Variants in TRAPPC9 observed in about 807,000 individuals in gnomAD.
The protein encoded by TRAPPC9 is trafficking protein particle complex subunit 9.
Under a neutral mutation model 124.0 loss-of-function variants are expected in TRAPPC9, and 83 were observed. The observed-to-expected ratio is 0.67, with a 90% CI of 0.56 to 0.80. TRAPPC9 has a LOEUF of 0.80. Ranked by LOEUF, TRAPPC9 falls within the 30% of genes least tolerant of loss-of-function variation. TRAPPC9 has a pLI of 0.00. For missense variants in TRAPPC9, 1,302 were observed against 1,508.3 expected, an observed-to-expected ratio of 0.86 and a Z score of 2.27; for synonymous variants, 638 against 617.5, an observed-to-expected ratio of 1.03 and a Z score of -0.49.
At chr8:139,797,661 T>C (rs574653514) in intron 21 of TRAPPC9, among the ~76,000 whole-genome samples, 1 of 152,302 alleles carries the variant, frequency 6.6e-6, no homozygotes, top group African/African-American at 2.4e-5. Context: ...TCCTAAGAGT[T>C]TTATAGTTTT....
intron 17 of TRAPPC9, among the ~76,000 whole-genome samples, chr8:140,091,337 A>C (rs1844553849): frequency 6.6e-6 from 1 of 152,128 alleles, no homozygotes; most frequent in South Asian, 2.1e-4. Flanking sequence ...GCTCACACTA[A>C]ATGCTGAATA....
intron 19 of TRAPPC9, chr8:139,911,438 C>T (rs36002174): frequency 0.22 from 32,879 of 152,050 alleles, 3,840 homozygotes; most frequent in African/African-American, 0.32. Flanking sequence ...GGGCCGGGTG[C>T]GACACCTGTA....
intron 21 of TRAPPC9, among the ~76,000 whole-genome samples, chr8:139,832,173 C>T (rs906628798): frequency 2.0e-5 from 3 of 152,220 alleles, no homozygotes; most frequent in Non-Finnish European, 4.4e-5. Context: ...TCTCCCGGCC[C>T]TGCCAGACTC....
intron 2 of TRAPPC9, among the ~76,000 whole-genome samples, chr8:140,446,175 T>A (rs2071246652): frequency 6.6e-6 from 1 of 151,108 alleles, no homozygotes. Flanking sequence ...ATGCCTGTAA[T>A]CCCAGCTACT....
intron 17 of TRAPPC9, among the ~76,000 whole-genome samples, chr8:140,166,246 A>C (rs1196257708): frequency 2.0e-5 from 3 of 152,238 alleles, no homozygotes; most frequent in African/African-American, 7.2e-5. Flanking sequence ...ATCAGCAGTG[A>C]GTGCCATCAC....
chr8:140,032,280 C>T lies in TRAPPC9; in HGVS notation c.2557-8201G>A, dbSNP rs553023281. Reference sequence around the variant, plus strand: ...AGATGGCTTGCTCCCACCTCTGTCACCACGTCCAGACCACTGTCCTCTCCC... The same window carrying T: ...AGATGGCTTGCTCCCACCTCTGTCATCACGTCCAGACCACTGTCCTCTCCC... On this transcript the variant is annotated intron_variant, in intron 17 of 22. Transcript: ENST00000438773. Among the ~76,000 whole-genome samples the T allele has an allele frequency of 1.4e-4, 21 of 152,322 alleles. No homozygotes were observed. The South Asian group carries it at 4.3e-3, about 32-fold the overall frequency.
chr8:140,450,504 C>T (rs1265013482), intron 2 of TRAPPC9, among the ~76,000 whole-genome samples: 1 of 152,126 alleles, frequency 6.6e-6, no homozygotes, highest in Non-Finnish European at 1.5e-5. Context: ...CTGTATGGGA[C>T]AGAGCTCCAG....
chr8:140,412,114 G>C (rs1465576595), intron 5 of TRAPPC9, among the ~76,000 whole-genome samples: 1 of 152,162 alleles, frequency 6.6e-6, no homozygotes, highest in African/African-American at 2.4e-5. Flanking sequence ...AACTCCATCA[G>C]ACTCCACTTT....
At chr8:140,024,836 C>T (rs1352318832) in intron 17 of TRAPPC9, among the ~76,000 whole-genome samples, 4 of 137,222 alleles carry the variant, frequency 2.9e-5, no homozygotes, top group Non-Finnish European at 4.7e-5. Context: ...CAGGCGGGGG[C>T]GGGGGTGCTT....
At chr8:140,190,550 A>G (rs2062467778) in intron 17 of TRAPPC9, among the ~76,000 whole-genome samples, 1 of 152,208 alleles carries the variant, frequency 6.6e-6, no homozygotes, top group Non-Finnish European at 1.5e-5. Flanking sequence ...ATTGGTTCAG[A>G]GAGACTGGGC....
intron 21 of TRAPPC9, among the ~76,000 whole-genome samples, chr8:139,774,045 G>C (rs1421610168): frequency 6.6e-6 from 1 of 152,220 alleles, no homozygotes; most frequent in Non-Finnish European, 1.5e-5. Flanking sequence ...CCTGGGGAAG[G>C]CTGGAGCTGC....
chr8:139,800,959 G>C, intron 21 of TRAPPC9, among the ~76,000 whole-genome samples: 1 of 111,962 alleles, frequency 8.9e-6, no homozygotes, highest in Non-Finnish European at 1.8e-5. Flanking sequence ...TCCGGTACCT[G>C]TACCTTCCCT....
At chr8:140,082,095 G>C (rs1415645108) in intron 17 of TRAPPC9, 1 of 152,200 alleles carries the variant, frequency 6.6e-6, no homozygotes, top group Non-Finnish European at 1.5e-5. Flanking sequence ...GATGTTGTCA[G>C]GGAAAGCAGC....
chr8:139,733,866 G>C (rs1398038913), intron 21 of TRAPPC9, among the ~76,000 whole-genome samples: 1 of 152,232 alleles, frequency 6.6e-6, no homozygotes, highest in Non-Finnish European at 1.5e-5. Flanking sequence ...CCTCACTGCA[G>C]CCTGGAGAGG....
At chr8:140,295,933 A>G (rs1218162878) in intron 11 of TRAPPC9, among the ~76,000 whole-genome samples, 1 of 152,250 alleles carries the variant, frequency 6.6e-6, no homozygotes, top group Non-Finnish European at 1.5e-5. Context: ...TATCTCAGAA[A>G]AAAATCTTAC....
At chr8:140,200,111 G>A (rs1037976555) in intron 17 of TRAPPC9, among the ~76,000 whole-genome samples, 2 of 152,124 alleles carry the variant, frequency 1.3e-5, no homozygotes, top group African/African-American at 2.4e-5. Context: ...AGTTTCTCAC[G>A]GCCGGAGAGG....
chr8:140,191,464 C>T lies in TRAPPC9; in HGVS notation c.2556+29995G>A, dbSNP rs147113789. Among the ~76,000 whole-genome samples the T allele has an allele frequency of 9.5e-3, 1,452 of 152,242 alleles. 16 individuals carry two copies. The highest frequency in any genetic ancestry group is 0.014 in the Non-Finnish European group (936 of 68,028). On this transcript the variant is annotated intron_variant, in intron 17 of 22. Transcript: ENST00000438773. ...GACCAATCCCTCCTGAATGACTCGG[C>T]GCCATCCCTTTGGTGACAAGTGAGT... is the stretch of plus-strand genomic sequence containing the variant.
At chr8:139,996,169 A>AAG (rs1837968340) in intron 18 of TRAPPC9, among the ~76,000 whole-genome samples, 1 of 146,912 alleles carries the variant, frequency 6.8e-6, no homozygotes, top group Admixed American at 6.7e-5. Flanking sequence ...AAAAAAAAAA[A>AAG]AAAAAAAAAA....
chr8:139,805,056 G>A (rs1386569120), intron 21 of TRAPPC9, among the ~76,000 whole-genome samples: 1 of 152,204 alleles, frequency 6.6e-6, no homozygotes, highest in Non-Finnish European at 1.5e-5. Context: ...CTGGGGTCCA[G>A]GGGCATGATA....
Sources: allele counts gnomAD v4.1 joint callset (sites outside exome capture counted in the v4.1 genomes callset), GRCh38; gene constraint gnomAD v4.1.1; transcripts MANE v1.5; gene names NCBI Gene and HGNC (gene_info 2026-07-23, HGNC 2026-07-21).